PRKAG2: variants seen among roughly 807,000 people sequenced by gnomAD.
The protein encoded by PRKAG2 is protein kinase AMP-activated non-catalytic subunit gamma 2, also known as 5'-AMP-activated protein kinase subunit gamma-2.
A neutral mutation model predicts 69.6 loss-of-function variants in PRKAG2; 26 were observed. The ratio of observed to expected loss-of-function variants is 0.37; its 90% CI spans 0.27 to 0.52. The LOEUF (loss-of-function observed/expected upper bound fraction) is 0.52, where lower values mean the gene tolerates loss of function less well. Ranked by LOEUF, PRKAG2 falls within the 20% of genes least tolerant of loss-of-function variation. PRKAG2 has a pLI of 0.90. For synonymous variants in PRKAG2, 293 were observed against 285.0 expected (o/e 1.03, Z -0.28); for missense variants, 557 against 740.0 (o/e 0.75, Z 2.87).
chr7:151,590,216 A>C (rs1024478715), intron 6 of PRKAG2, among the ~76,000 whole-genome samples: 6 of 152,230 alleles, frequency 3.9e-5, no homozygotes, highest in African/African-American at 1.4e-4. Context: ...GCATTCTGTG[A>C]GTGCGCTGGG....
intron 4 of PRKAG2, among the ~76,000 whole-genome samples, chr7:151,661,254 T>C (rs574689640): frequency 1.3e-5 from 2 of 152,184 alleles, no homozygotes; most frequent in African/African-American, 4.8e-5. Flanking sequence ...GGTGCAATCT[T>C]GGCTCACTGC....
chr7:151,863,942 C>A (rs1267474365), intron 1 of PRKAG2, among the ~76,000 whole-genome samples: 2 of 152,046 alleles, frequency 1.3e-5, no homozygotes, highest in Non-Finnish European at 2.9e-5. Flanking sequence ...AATATGTCCA[C>A]CTGCCTTTAT....
In PRKAG2 at chr7:151,663,256, C is replaced by T. The variant is rs186624620; in HGVS notation, c.684+12164G>A. Among the ~76,000 whole-genome samples the T allele has an allele frequency of 2.1e-3, 319 of 152,336 alleles. 1 individual carries two copies. The highest frequency in any genetic ancestry group is 3.7e-3 in the Non-Finnish European group (250 of 68,028). ...ACCCTTCCACCTTCACTTTATGTTA[C>T]TCCAAATCTCCTCAATCAGCCCAAA... On this transcript the variant is annotated intron_variant, in intron 4 of 15. Transcript: ENST00000287878.
chr7:151,757,690 G>A (rs964313149), intron 3 of PRKAG2, among the ~76,000 whole-genome samples: 1 of 152,096 alleles, frequency 6.6e-6, no homozygotes, highest in African/African-American at 2.4e-5. Context: ...AACCAGACTC[G>A]CCTCAAAGGC....
rs146491414 is a variant in PRKAG2, at chr7:151,564,244, T to C, written c.1438-20A>G. ...AAGATTCTGTAATGAAGCAAGAGAA[T>C]AAATTATATCCTTTCATTTCAGTTC... On this transcript the variant is annotated intron_variant, in intron 13 of 15. Transcript: ENST00000287878. The C allele has an allele frequency of 7.4e-6, 12 of 1,613,642 alleles. No homozygotes were observed. In the African/African-American group the frequency reaches 1.3e-4, roughly 18 times the overall value.
intron 1 of PRKAG2, among the ~76,000 whole-genome samples, chr7:151,815,186 TCCCCCA>T (rs2078604746): frequency 7.7e-6 from 1 of 129,274 alleles, no homozygotes; most frequent in African/African-American, 2.7e-5. Context: ...TACACTCCAT[TCCCCCA>T]ACTCCAACCA....
Position 151,876,678 on chromosome 7 carries a change from C to T in PRKAG2, c.-58G>A. The stretch of plus-strand genomic sequence containing the variant: ...CTCGGGGGTTCGGTCCCCTCCTTCC[C>T]TCCCCCGGCCGCTGCCTTCGGACTG... On this transcript the variant is annotated 5_prime_UTR_variant, in exon 1 of 16. Coordinates refer to ENST00000287878, the MANE Select transcript of PRKAG2 (RefSeq NM_016203.4). 1 of 1,523,432 alleles carries T rather than the reference C, an allele frequency of 6.6e-7. No individual in the cohort carries two copies. The allele number at this position is 1,523,432 out of a possible 1,614,324, so 94.4% of individuals were successfully genotyped here.
chr7:151,782,291 GGAAAGAAAGGAA>G (rs1241072787), intron 2 of PRKAG2, among the ~76,000 whole-genome samples: 4 of 87,622 alleles, frequency 4.6e-5, no homozygotes, highest in Non-Finnish European at 7.2e-5. Flanking sequence ...TCAAGAGAAA[GGAAAGAAAGGAA>G]GGAAGGAAGG....
At chr7:151,641,381 G>T (rs1008533646) in intron 4 of PRKAG2, among the ~76,000 whole-genome samples, 1 of 151,318 alleles carries the variant, frequency 6.6e-6, no homozygotes, top group Non-Finnish European at 1.5e-5. Context: ...CCAAGTAGCT[G>T]GGACTACAGG....
At chr7:151,874,204 T>TG (rs2080307198) in intron 1 of PRKAG2, among the ~76,000 whole-genome samples, 1 of 129,190 alleles carries the variant, frequency 7.7e-6, no homozygotes, top group African/African-American at 3.2e-5. Context: ...ATATGATGTA[T>TG]ATGTATATGT....
chr7:151,752,380 G>A (rs62478187), intron 3 of PRKAG2, among the ~76,000 whole-genome samples: 28,342 of 151,874 alleles, frequency 0.19, 2,994 homozygotes, highest in Admixed American at 0.25. Context: ...AGAAAGAAAC[G>A]ACAAACACTG....
chr7:151,777,089 GC>G lies in PRKAG2; in HGVS notation c.466+4062del, dbSNP rs1447086967. ...TCTCTGACTCCACCTGCCTGTCTCG[GC>G]CCCTGGCTTTAAGGAAAGGGTGGAG... On this transcript the variant is annotated intron_variant, in intron 3 of 15. Coordinates refer to ENST00000287878, the MANE Select transcript of PRKAG2 (RefSeq NM_016203.4). This position sits in a 1 kb window ranked among gnomAD's most constrained non-coding sequence, Gnocchi z 4.3. Among the ~76,000 whole-genome samples, 1 of 152,180 alleles carries G rather than the reference GC, an allele frequency of 6.6e-6. No homozygotes were observed. The highest frequency in any genetic ancestry group is 1.5e-5 in the Non-Finnish European group (1 of 68,024).
chr7:151,588,772 C>T (rs1426556328), intron 6 of PRKAG2, among the ~76,000 whole-genome samples: 1 of 152,126 alleles, frequency 6.6e-6, no homozygotes, highest in African/African-American at 2.4e-5. Flanking sequence ...GTGAGGCCTC[C>T]CCAGTCACGT....
At chr7:151,560,306 A>G in intron 15 of PRKAG2, 1 of 1,454,336 alleles carries the variant, frequency 6.9e-7, no homozygotes, top group Non-Finnish European at 9.1e-7. Flanking sequence ...CCTTGATAGG[A>G]TGCTCTTAAC....
At chr7:151,640,425 C>A (rs1157497457) in intron 4 of PRKAG2, among the ~76,000 whole-genome samples, 1 of 152,144 alleles carries the variant, frequency 6.6e-6, no homozygotes, top group African/African-American at 2.4e-5. Flanking sequence ...AGGGCCTGAT[C>A]ATTTATTCAC....
rs1819740027 is a variant in PRKAG2 at position 151,614,990 on chromosome 7, G to GGA, written c.754+17077_754+17078dup. The stretch of plus-strand genomic sequence containing the variant: ...TGGATCCAGAGGGAACCTCGAGAGA[G>GGA]GAGCCGTGTGGATCCAGAGGGAACC... On this transcript the variant is annotated intron_variant, in intron 5 of 15. Transcript: ENST00000287878. The surrounding 1 kb of genome is among the most constrained non-coding windows in gnomAD (Gnocchi z 4.4). Among the ~76,000 whole-genome samples, 1 of 152,168 alleles carries GGA rather than the reference G, an allele frequency of 6.6e-6. No homozygotes were observed. Among genetic ancestry groups the GGA allele is most frequent in the South Asian group, 2.1e-4 (1 of 4,832 alleles).
chr7:151,641,751 T>C (rs1826736070), intron 4 of PRKAG2, among the ~76,000 whole-genome samples: 1 of 151,984 alleles, frequency 6.6e-6, no homozygotes, highest in African/African-American at 2.4e-5. Flanking sequence ...GCTCAAGTGA[T>C]CCTCTTGCCT....
At chr7:151,865,844 C>A (rs113129160) in intron 1 of PRKAG2, among the ~76,000 whole-genome samples, 83 of 151,984 alleles carry the variant, frequency 5.5e-4, no homozygotes, top group African/African-American at 2.0e-3. Flanking sequence ...ACGGTGAAAC[C>A]CCGTCTCTAT....
At chr7:151,605,408 T>A (rs1277850992) in intron 5 of PRKAG2, among the ~76,000 whole-genome samples, 1 of 151,986 alleles carries the variant, frequency 6.6e-6, no homozygotes, top group Non-Finnish European at 1.5e-5. Context: ...AAAATAAAAT[T>A]TATAATAAAA....
Sources: gnomAD v4.1 joint callset for allele counts (sites outside exome capture counted in the v4.1 genomes callset) on GRCh38, gnomAD v4.1.1 for gene constraint, Gnocchi (gnomAD v3.1) non-coding constraint, MANE v1.5 for transcripts, NCBI Gene and HGNC (gene_info 2026-07-23, HGNC 2026-07-21) for gene names.